TRPC4: variants seen among roughly 807,000 people sequenced by gnomAD.
TRPC4 encodes the protein transient receptor potential cation channel subfamily C member 4.
TRPC4 carries 49 observed loss-of-function variants against 99.4 expected under a neutral mutation model. The observed-to-expected ratio is 0.49, with a 90% CI of 0.39 to 0.63. The LOEUF (loss-of-function observed/expected upper bound fraction) is 0.63, where lower values mean the gene tolerates loss of function less well. Ranked by LOEUF, TRPC4 falls within the 20% of genes least tolerant of loss-of-function variation. The pLI, the probability that TRPC4 is intolerant of heterozygous loss-of-function variation, is 0.00. For synonymous variants in TRPC4, 454 were observed against 425.9 expected (o/e 1.07, Z -0.81); for missense variants, 898 against 1,152.9 (o/e 0.78, Z 3.20).
chr13:37,679,779 GATA>G (rs1010159069), intron 4 of TRPC4, among the ~76,000 whole-genome samples: 1 of 152,120 alleles, frequency 6.6e-6, no homozygotes, highest in Non-Finnish European at 1.5e-5. Context: ...TTGGGAAAAT[GATA>G]ATAATATTTA....
intron 8 of TRPC4, among the ~76,000 whole-genome samples, chr13:37,646,090 A>T (rs1951854115): frequency 6.6e-6 from 1 of 152,152 alleles, no homozygotes; most frequent in South Asian, 2.1e-4. Flanking sequence ...TACTATGAGC[A>T]TTTTTTCTTT....
chr13:37,767,354 A>C (rs377514809), intron 2 of TRPC4, among the ~76,000 whole-genome samples: 10 of 133,696 alleles, frequency 7.5e-5, no homozygotes, highest in African/African-American at 2.4e-4. Flanking sequence ...ATATATATAT[A>C]TCTATATATA....
chr13:37,867,139 A>T (rs1430175272), intron 1 of TRPC4, among the ~76,000 whole-genome samples: 1 of 151,910 alleles, frequency 6.6e-6, no homozygotes, highest in African/African-American at 2.4e-5. Context: ...CAAAAATACA[A>T]CAATCATATT....
At chr13:37,651,824 T>C (rs1874002411) in intron 7 of TRPC4, among the ~76,000 whole-genome samples, 1 of 152,228 alleles carries the variant, frequency 6.6e-6, no homozygotes, top group African/African-American at 2.4e-5. Context: ...AGACTTTCTG[T>C]CTTAACCAAA....
At chr13:37,685,541 A>G (rs1953439309) in intron 4 of TRPC4, among the ~76,000 whole-genome samples, 1 of 152,132 alleles carries the variant, frequency 6.6e-6, no homozygotes, top group Non-Finnish European at 1.5e-5. Context: ...AGTTTCTACT[A>G]TTATTACTAC....
At chr13:37,769,185 T>G (rs1272134687) in intron 2 of TRPC4, among the ~76,000 whole-genome samples, 5 of 151,494 alleles carry the variant, frequency 3.3e-5, no homozygotes, top group Non-Finnish European at 7.4e-5. Context: ...AAATATTTTT[T>G]ATTACTTTTA....
In TRPC4 at chr13:37,655,368, T is replaced by TAC. The variant is rs535407027; in HGVS notation, c.1689-86_1689-85insGT. 1,919 of 385,506 alleles carry TAC rather than the reference T, an allele frequency of 5.0e-3. 24 individuals carry two copies. The highest frequency in any genetic ancestry group is 7.5e-3 in the South Asian group (56 of 7,480). 23.9% of individuals were successfully genotyped at this position (385,506 alleles called of 1,614,324 possible). On this transcript the variant is annotated intron_variant, in intron 6 of 10. Coordinates refer to ENST00000379705, the MANE Select transcript of TRPC4 (RefSeq NM_016179.4). ...AAAACAATAAAGCTTGGCATGATTA[T>TAC]ATATATATATATATATAATTAACTT...
chr13:37,850,234 T>C (rs1218110598), intron 1 of TRPC4, among the ~76,000 whole-genome samples: 1 of 152,184 alleles, frequency 6.6e-6, no homozygotes, highest in African/African-American at 2.4e-5. Context: ...CAGAAAACCA[T>C]AGGCCTGAAA....
At chr13:37,750,004 T>C (rs1955887947) in intron 2 of TRPC4, among the ~76,000 whole-genome samples, 2 of 152,124 alleles carry the variant, frequency 1.3e-5, no homozygotes, top group Non-Finnish European at 2.9e-5. Context: ...AGTTATTACT[T>C]TTCTCAGATA....
chr13:37,783,629 A>T (rs1368025539), intron 1 of TRPC4, among the ~76,000 whole-genome samples: 2 of 152,118 alleles, frequency 1.3e-5, no homozygotes, highest in African/African-American at 4.8e-5. Context: ...GAATTTTATC[A>T]GAGAATGCAT....
At chr13:37,861,894 T>C (rs1276905829) in intron 1 of TRPC4, among the ~76,000 whole-genome samples, 1 of 151,522 alleles carries the variant, frequency 6.6e-6, no homozygotes, top group Non-Finnish European at 1.5e-5. Flanking sequence ...TTTTGCATGA[T>C]AACCCTCAGA....
intron 6 of TRPC4, among the ~76,000 whole-genome samples, chr13:37,658,086 A>G (rs1952303784): frequency 1.3e-5 from 2 of 152,198 alleles, no homozygotes. Context: ...AGTAATTCCC[A>G]AATCTATTGA....
At chr13:37,847,600 T>C (rs1958939378) in intron 1 of TRPC4, among the ~76,000 whole-genome samples, 1 of 152,072 alleles carries the variant, frequency 6.6e-6, no homozygotes, top group South Asian at 2.1e-4. Flanking sequence ...AATTTATAGA[T>C]GTATCAGAAC....
At chr13:37,737,177 G>C (rs1955421882) in intron 3 of TRPC4, among the ~76,000 whole-genome samples, 1 of 151,286 alleles carries the variant, frequency 6.6e-6, no homozygotes, top group Admixed American at 6.6e-5. Flanking sequence ...GTATTTTTCT[G>C]CATATGCTTA....
intron 1 of TRPC4, among the ~76,000 whole-genome samples, chr13:37,811,746 A>C (rs532888454): frequency 6.6e-6 from 1 of 152,138 alleles, no homozygotes; most frequent in South Asian, 2.1e-4. Flanking sequence ...CCCACTTTCC[A>C]AAACGGAAAA....
chr13:37,840,336 A>G (rs1958697941), intron 1 of TRPC4, among the ~76,000 whole-genome samples: 2 of 152,118 alleles, frequency 1.3e-5, no homozygotes, highest in African/African-American at 4.8e-5. Flanking sequence ...GAGTTTGTTT[A>G]AAAGTATTTA....
At chr13:37,790,300 G>T (rs1474373372) in intron 1 of TRPC4, among the ~76,000 whole-genome samples, 1 of 152,088 alleles carries the variant, frequency 6.6e-6, no homozygotes, top group Non-Finnish European at 1.5e-5. Context: ...AGAATTCACA[G>T]TGTCACACTG....
intron 1 of TRPC4, among the ~76,000 whole-genome samples, chr13:37,841,496 A>G (rs1460367378): frequency 2.0e-5 from 3 of 151,992 alleles, no homozygotes; most frequent in Admixed American, 6.6e-5. Context: ...TACAAATCCC[A>G]TATCTAATAA....
chr13:37,783,465 A>G (rs1956895985), intron 1 of TRPC4, 105 bp from the exon 2 acceptor site: 4 of 783,126 alleles, frequency 5.1e-6, no homozygotes, highest in Non-Finnish European at 7.2e-6. Flanking sequence ...CAACAATACC[A>G]TTATTAGTAA....
Sources: allele counts gnomAD v4.1 joint callset (sites outside exome capture counted in the v4.1 genomes callset), GRCh38; gene constraint gnomAD v4.1.1; transcripts MANE v1.5; gene names NCBI Gene and HGNC (gene_info 2026-07-23, HGNC 2026-07-21).